CEP192: variants seen among roughly 807,000 people sequenced by gnomAD.
CEP192 encodes centrosomal protein of 192 kDa.
In CEP192, 151 loss-of-function variants were observed where a neutral mutation model predicts 271.8. The observed-to-expected ratio is 0.56, with a 90% CI of 0.49 to 0.64. CEP192 has a LOEUF of 0.64. CEP192 is among the 30% of genes least tolerant of loss of function. CEP192 has a pLI of 0.00. For synonymous variants in CEP192, 995 were observed against 1,076.5 expected, an observed-to-expected ratio of 0.92 and a Z score of 1.48; for missense variants, 2,910 against 3,020.5, an observed-to-expected ratio of 0.96 and a Z score of 0.86.
intron 19 of CEP192, 54 bp from the exon 20 acceptor site, chr18:13,057,531 T>C (rs932228115): frequency 1.3e-6 from 2 of 1,590,108 alleles, no homozygotes; most frequent in African/African-American, 2.7e-5. Context: ...ATTTGGCTTA[T>C]AATCAGGGGT....
In CEP192 at chr18:13,092,380, A is replaced by G. The variant is rs375373687; in HGVS notation, c.6107A>G (p.Tyr2036Cys). ...FQDELLVTEV[Y>C]DLPQRPNDVQ... is the part of the protein sequence containing the mutation. ...CAAACATTATTTTCTATTTCAGTAT[A>G]TGATCTTCCCCAACGACCTAATGAT... The change falls in exon 34 of 45, where the codon TAT (tyrosine) becomes TGT (cysteine). Residue 2036 changes from tyrosine to cysteine, a missense_variant. Tyr to Cys is a radical substitution (Grantham distance 194). Transcript: ENST00000506447. 8.8e-6 allele frequency: 14 copies of G among 1,585,392 alleles called. No individual in the cohort carries two copies. The African/African-American group carries it at 9.5e-5, about 11-fold the overall frequency.
chr18:13,121,065 C>A (rs1409551272), intron 44 of CEP192, among the ~76,000 whole-genome samples: 1 of 152,148 alleles, frequency 6.6e-6, no homozygotes, highest in Non-Finnish European at 1.5e-5. Flanking sequence ...GGACTTACGG[C>A]ATTGTGTGCT....
rs1311242253 is a variant in CEP192 at position 13,124,834 on chromosome 18, CACT to C, written c.*67_*69del. On this transcript the variant is annotated 3_prime_UTR_variant, in exon 45 of 45. Coordinates refer to ENST00000506447, the MANE Select transcript of CEP192 (RefSeq NM_032142.4). ...GTATTTTGTTAACTTTATCTTTCTA[CACT>C]ACAATTATGCTTTTGTATATATATT... 6.3e-5 allele frequency: 79 copies of C among 1,263,400 alleles called. No homozygotes were observed. Among genetic ancestry groups the C allele is most frequent in the Non-Finnish European group, 1.6e-5 (14 of 897,048 alleles). 78.3% of individuals were successfully genotyped at this position (1,263,400 alleles called of 1,614,324 possible). A position where few individuals can be genotyped will look rare whatever the true frequency, so the allele number is the denominator to read the frequency against.
At position 13,040,947 on chromosome 18, in the gene CEP192, C is replaced by A; in HGVS notation, c.1927C>A (p.Leu643Ile). Residue 643 changes from leucine (L) to isoleucine (I), a missense_variant, in exon 14 of 45, where the codon CTA (leucine) becomes ATA (isoleucine). Coordinates refer to ENST00000506447, the MANE Select transcript of CEP192 (RefSeq NM_032142.4). Reference protein sequence around the residue: ...EKEMAHLNHDLYSGDLNEQSQ... With the variant: ...EKEMAHLNHDIYSGDLNEQSQ... ...AGAAATGGCTCATCTTAACCATGAT[C>A]TATATTCAGGTAATGGATTCAATGA... 2 of 1,607,058 alleles carry A rather than the reference C, an allele frequency of 1.2e-6. No homozygotes were observed. Among genetic ancestry groups the A allele is most frequent in the Non-Finnish European group, 1.7e-6 (2 of 1,177,470 alleles).
intron 11 of CEP192, among the ~76,000 whole-genome samples, chr18:13,031,245 T>TTG (rs1555711742): frequency 6.7e-5 from 8 of 120,264 alleles, no homozygotes; most frequent in African/African-American, 2.6e-4. Flanking sequence ...TTATTGTTGT[T>TTG]TTTTTTTTTT....
intron 30 of CEP192, among the ~76,000 whole-genome samples, chr18:13,085,674 T>C (rs1392597737): frequency 6.6e-6 from 1 of 152,236 alleles, no homozygotes; most frequent in Non-Finnish European, 1.5e-5. Context: ...TTTCTTGTTT[T>C]GTCAAGTTTG....
chr18:13,017,116 C>A (rs538766886), intron 6 of CEP192, 72 bp from the exon 7 acceptor site: 2 of 1,257,776 alleles, frequency 1.6e-6, no homozygotes, highest in South Asian at 3.1e-5. Context: ...TCTTATCGGC[C>A]TTTTTAATTA....
rs756775194 is a variant in CEP192, at chr18:13,049,681, GGTAA to G, written c.2890+3_2890+6del. On this transcript the variant is annotated splice_donor_variant and splice_donor_region_variant and intron_variant, in intron 16 of 44. Transcript: ENST00000506447. LOFTEE classifies it high-confidence loss of function. ...TCGCATAGTCTCACCTAAAAATAGT[GGTAA>G]GTGTCTGAGTCGTTGGTCACATTCA... The G allele has an allele frequency of 6.2e-7, 1 of 1,606,424 alleles. No homozygotes were observed. Among genetic ancestry groups the G allele is most frequent in the Non-Finnish European group, 8.5e-7 (1 of 1,175,808 alleles).
intron 32 of CEP192, chr18:13,088,944 A>C (rs1294713568): frequency 2.3e-6 from 1 of 441,560 alleles, no homozygotes; most frequent in African/African-American, 2.0e-5. Context: ...GGGATATAGA[A>C]ATCAGCGTAT....
chr18:13,103,317 TA>T (rs1468551052), intron 38 of CEP192, among the ~76,000 whole-genome samples, 191 bp from the exon 39 acceptor site: 2 of 152,220 alleles, frequency 1.3e-5, no homozygotes, highest in Non-Finnish European at 2.9e-5. Context: ...ATTATACTTG[TA>T]ATAAAACCTA....
chr18:13,055,439 T>A (rs2037041196), intron 18 of CEP192, among the ~76,000 whole-genome samples: 1 of 152,166 alleles, frequency 6.6e-6, no homozygotes, highest in Admixed American at 6.5e-5. Flanking sequence ...CGTTACTAAT[T>A]TATTTGGATT....
At chr18:13,043,924 A>T (rs2036340253) in intron 15 of CEP192, among the ~76,000 whole-genome samples, 1 of 152,102 alleles carries the variant, frequency 6.6e-6, no homozygotes, top group Admixed American at 6.6e-5. Flanking sequence ...ATGTTTTGGT[A>T]CAGGCATGCA....
At chr18:13,020,820 G>A (rs949649645) in intron 9 of CEP192, among the ~76,000 whole-genome samples, 2 of 152,116 alleles carry the variant, frequency 1.3e-5, no homozygotes, top group Non-Finnish European at 2.9e-5. Flanking sequence ...GCATTTCCCT[G>A]ATGACAGTGA....
At chr18:13,000,976 C>T (rs7234163) in intron 2 of CEP192, among the ~76,000 whole-genome samples, 69,595 of 151,990 alleles carry the variant, frequency 0.46, 16,191 homozygotes, top group Middle Eastern at 0.56. Flanking sequence ...AAAACTCAAC[C>T]AGCTTTTATT....
intron 7 of CEP192, among the ~76,000 whole-genome samples, chr18:13,017,963 G>C (rs899304128): frequency 6.6e-6 from 1 of 152,124 alleles, no homozygotes. Context: ...GTTTTGTAGA[G>C]TGAACTGTAA....
At chr18:13,022,766 G>A (rs1312454133) in intron 9 of CEP192, among the ~76,000 whole-genome samples, 1 of 152,194 alleles carries the variant, frequency 6.6e-6, no homozygotes, top group Non-Finnish European at 1.5e-5. Context: ...ATGTATAGGT[G>A]AAGTTGGGAA....
rs539604723 is a variant in CEP192 at position 13,059,537 on chromosome 18, A to G, written c.4488+225A>G. 1.1e-3 allele frequency among the ~76,000 whole-genome samples: 166 copies of G among 152,366 alleles called. 1 individual carries two copies. Among genetic ancestry groups the G allele is most frequent in the African/African-American group, 3.7e-3 (153 of 41,582 alleles). On this transcript the variant is annotated intron_variant, in intron 21 of 44. Coordinates refer to ENST00000506447, the MANE Select transcript of CEP192 (RefSeq NM_032142.4). ...CTTAGATATCTATAAAGCAGAGTATAAGGTTAAACACTATTTTCCACTGAT... is the reference window on the plus strand; with the variant it reads ...CTTAGATATCTATAAAGCAGAGTATGAGGTTAAACACTATTTTCCACTGAT...
intron 30 of CEP192, 59 bp downstream of exon 30, chr18:13,073,244 G>T: frequency 7.2e-7 from 1 of 1,392,072 alleles, no homozygotes; most frequent in Non-Finnish European, 9.8e-7. Flanking sequence ...TATAACTATT[G>T]GTTTAATGTT....
Position 13,103,570 on chromosome 18 carries a change from A to T in CEP192, c.6933A>T (p.Leu2311Phe), listed in dbSNP as rs1162201012. ...TTDVKWHLSS[L>F]APPYVKGVDE... is the part of the protein sequence containing the mutation. Reference sequence around the variant, plus strand: ...ACGTGAAATGGCATCTGTCATCTTTAGCGCCACCTTATGTCAAGGTCAGTC... The same window carrying T: ...ACGTGAAATGGCATCTGTCATCTTTTGCGCCACCTTATGTCAAGGTCAGTC... The change falls in exon 39 of 45, where the codon TTA (leucine) becomes TTT (phenylalanine). Residue 2311 changes from leucine to phenylalanine, a missense_variant. Coordinates refer to ENST00000506447, the MANE Select transcript of CEP192 (RefSeq NM_032142.4). 3.7e-6 allele frequency: 6 copies of T among 1,613,524 alleles called. No homozygotes were observed. The Admixed American group carries it at 8.3e-5, about 22-fold the overall frequency.
Sources: allele counts gnomAD v4.1 joint callset (sites outside exome capture counted in the v4.1 genomes callset), GRCh38; gene constraint gnomAD v4.1.1; transcripts MANE v1.5; gene names NCBI Gene and HGNC (gene_info 2026-07-23, HGNC 2026-07-21).